The following MYO1H variants were observed in gnomAD, a reference collection of about 807,000 sequenced individuals.
MYO1H encodes the protein myosin IH, also known as unconventional myosin-Ih.
A neutral mutation model predicts 149.3 loss-of-function variants in MYO1H; 118 were observed. The observed-to-expected ratio is 0.79, with a 90% CI of 0.68 to 0.92. MYO1H has a LOEUF of 0.92. MYO1H is among the 40% of genes least tolerant of loss of function. The pLI, the probability that MYO1H is intolerant of heterozygous loss-of-function variation, is 0.00. For missense variants in MYO1H, 1,212 were observed against 1,280.7 expected (o/e 0.95, Z 0.82); for synonymous variants, 447 against 465.2 (o/e 0.96, Z 0.50).
Position 109,378,331 on chromosome 12 carries a change from A to AT in MYO1H, c.13-10345dup, listed in dbSNP as rs111805071. 3.3e-4 allele frequency among the ~76,000 whole-genome samples: 49 copies of AT among 146,442 alleles called. 1 individual carries two copies. Among genetic ancestry groups the AT allele is most frequent in the African/African-American group, 1.1e-3 (45 of 39,642 alleles). On this transcript the variant is annotated intron_variant, in intron 1 of 31. Coordinates refer to ENST00000310903, the Ensembl canonical transcript of MYO1H. ...TTTTTTCTTTTTTATTTATTTATTT[A>AT]TTTTTTTGAGATAAGGTCTCACTCT...
At chr12:109,438,125 A>G (rs1402003779) in intron 22 of MYO1H, among the ~76,000 whole-genome samples, 1 of 151,290 alleles carries the variant, frequency 6.6e-6, no homozygotes, top group African/African-American at 2.4e-5. Context: ...ATAAGCCAGA[A>G]CCTAAGTTTT....
intron 9 of MYO1H, 94 bp downstream of exon 9, chr12:109,406,954 C>T (rs1449080463): frequency 9.0e-7 from 1 of 1,116,288 alleles, no homozygotes; most frequent in Non-Finnish European, 1.3e-6. Flanking sequence ...GGAGGCCAAA[C>T]CTTTGATCCT....
intron 14 of MYO1H, among the ~76,000 whole-genome samples, chr12:109,412,559 G>A (rs1870718942): frequency 6.6e-6 from 1 of 151,990 alleles, no homozygotes; most frequent in Non-Finnish European, 1.5e-5. Context: ...CAAAAATTCA[G>A]GTATAAAATA....
chr12:109,423,368 G>A lies in MYO1H; in HGVS notation c.1645-1380G>A, dbSNP rs1438673627. On this transcript the variant is annotated intron_variant, in intron 16 of 31. Coordinates refer to ENST00000310903, the Ensembl canonical transcript of MYO1H. Reference sequence around the variant, plus strand: ...GTAGAGACGGTGTTTCACCTTGTTGGTCAGTCTGGTCTTGAACTCCTGGCC... The same window carrying A: ...GTAGAGACGGTGTTTCACCTTGTTGATCAGTCTGGTCTTGAACTCCTGGCC... Among the ~76,000 whole-genome samples, 3 of 152,124 alleles carry A rather than the reference G, an allele frequency of 2.0e-5. 1 individual carries two copies. Among genetic ancestry groups the A allele is most frequent in the Non-Finnish European group, 4.4e-5 (3 of 68,020 alleles).
At chr12:109,337,724 G>A in the MYO1H span, among the ~76,000 whole-genome samples, 2 of 152,158 alleles carry the variant, frequency 1.3e-5, no homozygotes, top group Non-Finnish European at 1.5e-5. Flanking sequence ...TTTGGGTGGG[G>A]ACACAGCCAA....
intron 16 of MYO1H, 93 bp from the exon 17 acceptor site, chr12:109,424,655 C>T: frequency 1.1e-6 from 1 of 874,556 alleles, no homozygotes; most frequent in Non-Finnish European, 1.8e-6. Flanking sequence ...GCAGATGGCT[C>T]TGTTGCTTCA....
Position 109,414,669 on chromosome 12 carries a change from C to A in MYO1H, c.1503-857C>A, listed in dbSNP as rs574158795. ...TGTGTTTCTGTGGCTCAGTTCTATA[C>A]TTTTATTTCTCAGCATTTATGGGAA... On this transcript the variant is annotated intron_variant, in intron 14 of 31. Coordinates refer to ENST00000310903, the Ensembl canonical transcript of MYO1H. 2.0e-5 allele frequency among the ~76,000 whole-genome samples: 3 copies of A among 152,140 alleles called. No individual in the cohort carries two copies. The South Asian group carries it at 6.2e-4, about 32-fold the overall frequency.
At chr12:109,315,741 C>T in the MYO1H span, among the ~76,000 whole-genome samples, 1 of 152,226 alleles carries the variant, frequency 6.6e-6, no homozygotes, top group South Asian at 2.1e-4. Context: ...AATCCCAAGA[C>T]TTGGGCCTTT....
upstream of MYO1H, among the ~76,000 whole-genome samples, chr12:109,346,580 G>A (rs2048103230): frequency 6.6e-6 from 1 of 152,074 alleles, no homozygotes; most frequent in Admixed American, 6.6e-5. Context: ...GGTCAACATG[G>A]TGAAACCTTA....
At position 109,358,846 on chromosome 12, in the gene MYO1H, T is replaced by TAAAAAAA. The variant is rs541289093; in HGVS notation, c.12+10892_12+10898dup. On this transcript the variant is annotated intron_variant, in intron 1 of 31. Coordinates refer to ENST00000310903, the Ensembl canonical transcript of MYO1H. ...TTCTGGGGGAAGCATCCTGTGGTGT[T>TAAAAAAA]AAAAAAAAAAAAAAAAAAAAAAAAG... Among the ~76,000 whole-genome samples, 22 of 84,536 alleles carry TAAAAAAA rather than the reference T, an allele frequency of 2.6e-4. 2 individuals are homozygous for TAAAAAAA. Among genetic ancestry groups the TAAAAAAA allele is most frequent in the African/African-American group, 1.2e-3 (22 of 17,858 alleles). The allele number at this position is 84,536 out of a possible 152,430, so 55.5% of individuals were successfully genotyped here.
At chr12:109,408,892 C>T (rs569150181) in intron 10 of MYO1H, among the ~76,000 whole-genome samples, 31 of 152,230 alleles carry the variant, frequency 2.0e-4, no homozygotes, top group African/African-American at 6.3e-4. Context: ...GGGGTTCAAG[C>T]GATTCTTGTG....
the MYO1H span, among the ~76,000 whole-genome samples, chr12:109,315,348 G>A: frequency 1.3e-5 from 2 of 152,168 alleles, no homozygotes; most frequent in Admixed American, 1.3e-4. Context: ...TGTTATAGGT[G>A]CATTTATATA....
intron 14 of MYO1H, among the ~76,000 whole-genome samples, chr12:109,414,313 T>TAAA (rs137905497): frequency 1.3e-5 from 2 of 151,376 alleles, no homozygotes; most frequent in Middle Eastern, 3.2e-3. Context: ...CCATCTCCAC[T>TAAA]AAAAATCCAA....
chr12:109,371,213 C>CTTTT lies in MYO1H; in HGVS notation c.13-17453_13-17450dup, dbSNP rs34350111. Among the ~76,000 whole-genome samples the CTTTT allele has an allele frequency of 1.5e-3, 173 of 118,268 alleles. 1 individual carries two copies. Among genetic ancestry groups the CTTTT allele is most frequent in the Non-Finnish European group, 2.1e-3 (120 of 58,222 alleles). 77.6% of individuals were successfully genotyped at this position (118,268 alleles called of 152,430 possible). A position where few individuals can be genotyped will look rare whatever the true frequency, so the allele number is the denominator to read the frequency against. On this transcript the variant is annotated intron_variant, in intron 1 of 31. Transcript: ENST00000310903. ...TACATTGGTTTTCTTTTTTTTCTTT[C>CTTTT]TTTTTTTTTTTTTTTTTTTTGAAAT... is the stretch of plus-strand genomic sequence containing the variant.
intron 2 of MYO1H, among the ~76,000 whole-genome samples, chr12:109,389,788 T>A (rs1324340323): frequency 6.6e-6 from 1 of 152,178 alleles, no homozygotes. Context: ...TAAGAGTAAA[T>A]TAGACAGAAG....
intron 19 of MYO1H, among the ~76,000 whole-genome samples, chr12:109,427,909 A>AAAAATATATATAT (rs1555254298): frequency 6.1e-5 from 1 of 16,420 alleles, no homozygotes; most frequent in Non-Finnish European, 1.0e-4. Context: ...AAAAAAAAAA[A>AAAAATATATATAT]ATATATATAT....
intron 19 of MYO1H, among the ~76,000 whole-genome samples, chr12:109,427,909 A>AAAATATATATATATAT (rs1555254298): frequency 6.1e-5 from 1 of 16,416 alleles, no homozygotes; most frequent in African/African-American, 3.1e-4. Context: ...AAAAAAAAAA[A>AAAATATATATATATAT]ATATATATAT....
chr12:109,420,626 C>T (rs1397390238), intron 15 of MYO1H, among the ~76,000 whole-genome samples: 1 of 152,198 alleles, frequency 6.6e-6, no homozygotes, highest in African/African-American at 2.4e-5. Context: ...CAATCACCCC[C>T]AACCAGGCCC....
the MYO1H span, among the ~76,000 whole-genome samples, chr12:109,327,353 T>C: frequency 4.6e-5 from 7 of 151,536 alleles, no homozygotes; most frequent in Non-Finnish European, 1.0e-4. Context: ...CAGGCTGGTC[T>C]TGAACTCCTG....
Sources: gnomAD v4.1 joint callset for allele counts (sites outside exome capture counted in the v4.1 genomes callset) on GRCh38, gnomAD v4.1.1 for gene constraint, MANE v1.5 for transcripts, NCBI Gene and HGNC (gene_info 2026-07-23, HGNC 2026-07-21) for gene names.